KCNAB1: variants seen among roughly 807,000 people sequenced by gnomAD.
KCNAB1 encodes the protein potassium voltage-gated channel subfamily A regulatory beta subunit 1.
Under a neutral mutation model 64.6 loss-of-function variants are expected in KCNAB1, and 35 were observed. The ratio of observed to expected loss-of-function variants is 0.54; its 90% confidence interval spans 0.41 to 0.72. KCNAB1 has a LOEUF of 0.72. Ranked by LOEUF, KCNAB1 falls within the 30% of genes least tolerant of loss-of-function variation. The probability of loss-of-function intolerance (pLI) is 0.00; values close to 1 mark genes in which losing one functional copy is unlikely to be tolerated. For missense variants in KCNAB1, 401 were observed against 512.9 expected (o/e 0.78, Z 2.11); for synonymous variants, 177 against 183.8 (o/e 0.96, Z 0.30).
intron 1 of KCNAB1, among the ~76,000 whole-genome samples, chr3:156,262,254 A>G (rs912514158): frequency 2.6e-5 from 4 of 151,932 alleles, no homozygotes; most frequent in Non-Finnish European, 5.9e-5. Context: ...GAAGTGGCAA[A>G]GTGGCATTGT....
At chr3:156,229,026 C>T (rs1229012805) in intron 1 of KCNAB1, among the ~76,000 whole-genome samples, 1 of 152,188 alleles carries the variant, frequency 6.6e-6, no homozygotes, top group Non-Finnish European at 1.5e-5. Context: ...TCCCCTCTTC[C>T]TTGTGTGTAA....
intron 1 of KCNAB1, among the ~76,000 whole-genome samples, chr3:156,269,913 CTTTTTTTTTTT>C (rs34741042): frequency 8.7e-6 from 1 of 114,508 alleles, no homozygotes; most frequent in Non-Finnish European, 1.8e-5. Context: ...CCGGGGCTTG[CTTTTTTTTTTT>C]TTTTTTTTTG....
At chr3:156,251,514 C>T (rs748379148) in intron 1 of KCNAB1, among the ~76,000 whole-genome samples, 193 of 152,194 alleles carry the variant, frequency 1.3e-3, no homozygotes, top group Non-Finnish European at 5.4e-4. Flanking sequence ...AGCAGACACA[C>T]GGAAACATAT....
intron 1 of KCNAB1, among the ~76,000 whole-genome samples, chr3:156,419,711 T>A (rs2108223727): frequency 6.6e-6 from 1 of 152,210 alleles, no homozygotes; most frequent in South Asian, 2.1e-4. Context: ...AGCCACCACC[T>A]CATGTGATCT....
At chr3:156,391,862 A>C (rs946153319) in intron 1 of KCNAB1, among the ~76,000 whole-genome samples, 2 of 152,184 alleles carry the variant, frequency 1.3e-5, no homozygotes, top group African/African-American at 4.8e-5. Flanking sequence ...GGAGAAAAAG[A>C]GATCATCATT....
intron 1 of KCNAB1, among the ~76,000 whole-genome samples, chr3:156,124,904 C>T (rs1252567321): frequency 6.6e-6 from 1 of 151,992 alleles, no homozygotes; most frequent in Non-Finnish European, 1.5e-5. Flanking sequence ...CTTTGGGAGG[C>T]CGAGGCAGGT....
chr3:156,356,073 G>C (rs1725211298), intron 1 of KCNAB1, among the ~76,000 whole-genome samples: 1 of 146,394 alleles, frequency 6.8e-6, no homozygotes, highest in Non-Finnish European at 1.5e-5. Context: ...AGTGAGCCAT[G>C]ATCATGCCAC....
At chr3:156,312,731 A>AAAAAAAAAAAAAAAAAAAAAC (rs1722007557) in intron 1 of KCNAB1, among the ~76,000 whole-genome samples, 3 of 144,526 alleles carry the variant, frequency 2.1e-5, no homozygotes, top group African/African-American at 8.1e-5. Flanking sequence ...AAAAAAAAAA[A>AAAAAAAAAAAAAAAAAAAAAC]CTCATAATAA....
At chr3:156,396,008 C>T (rs528563024) in intron 1 of KCNAB1, among the ~76,000 whole-genome samples, 17 of 152,122 alleles carry the variant, frequency 1.1e-4, no homozygotes, top group Non-Finnish European at 1.9e-4. Context: ...GTGTAGAAGT[C>T]GAAACAATTT....
chr3:156,247,653 C>T (rs1212575357), intron 1 of KCNAB1, among the ~76,000 whole-genome samples: 1 of 152,108 alleles, frequency 6.6e-6, no homozygotes, highest in Non-Finnish European at 1.5e-5. Flanking sequence ...GCCTTGACCT[C>T]CTGGGTTCAG....
At chr3:156,208,598 T>C (rs1362791691) in intron 1 of KCNAB1, among the ~76,000 whole-genome samples, 1 of 151,986 alleles carries the variant, frequency 6.6e-6, no homozygotes, top group Non-Finnish European at 1.5e-5. Flanking sequence ...GTACTCTGAG[T>C]GTGTTATGAG....
chr3:156,495,830 C>T (rs772349340), intron 8 of KCNAB1, among the ~76,000 whole-genome samples: 8 of 152,052 alleles, frequency 5.3e-5, no homozygotes, highest in East Asian at 1.9e-4. Flanking sequence ...TTTAATACCC[C>T]GGAAGGTAAA....
chr3:156,487,496 G>A (rs954372661), intron 8 of KCNAB1, among the ~76,000 whole-genome samples: 20 of 152,280 alleles, frequency 1.3e-4, no homozygotes, highest in South Asian at 2.1e-4. Flanking sequence ...AAGGGAAAGC[G>A]TGTGTTGTGT....
At chr3:156,216,381 C>T (rs916635187) in intron 1 of KCNAB1, among the ~76,000 whole-genome samples, 4 of 152,162 alleles carry the variant, frequency 2.6e-5, no homozygotes, top group Non-Finnish European at 5.9e-5. Flanking sequence ...CATAGGCATG[C>T]CATGTTTCCA....
intron 1 of KCNAB1, among the ~76,000 whole-genome samples, chr3:156,170,814 A>AT (rs1304455417): frequency 2.0e-5 from 3 of 152,210 alleles, no homozygotes; most frequent in Non-Finnish European, 4.4e-5. Context: ...GGAGTTTGTC[A>AT]TGATATGTTG....
intron 1 of KCNAB1, among the ~76,000 whole-genome samples, chr3:156,328,014 C>T (rs907595340): frequency 2.0e-5 from 3 of 152,108 alleles, no homozygotes; most frequent in African/African-American, 7.2e-5. Context: ...ATGCTCCCTA[C>T]ACCTGCCCAC....
intron 1 of KCNAB1, among the ~76,000 whole-genome samples, chr3:156,387,202 T>C (rs899314030): frequency 2.4e-4 from 36 of 151,938 alleles, no homozygotes; most frequent in African/African-American, 8.0e-4. Flanking sequence ...GGGTGACTGC[T>C]GAAGCAGCCC....
chr3:156,354,120 G>GTATATATATATATATATATATGTGTA (rs1725061484), intron 1 of KCNAB1, among the ~76,000 whole-genome samples: 1 of 132,562 alleles, frequency 7.5e-6, no homozygotes, highest in African/African-American at 2.9e-5. Flanking sequence ...ATGTGTGTGT[G>GTATATATATATATATATATATGTGTA]TATATATATA....
chr3:156,165,233 C>G (rs1208357650), intron 1 of KCNAB1, among the ~76,000 whole-genome samples: 1 of 145,290 alleles, frequency 6.9e-6, no homozygotes, highest in African/African-American at 2.6e-5. Flanking sequence ...AGCCGAGATC[C>G]CGCCACTGCA....
Sources: allele counts gnomAD v4.1 joint callset (sites outside exome capture counted in the v4.1 genomes callset), GRCh38; gene constraint gnomAD v4.1.1; transcripts MANE v1.5; gene names NCBI Gene and HGNC (gene_info 2026-07-23, HGNC 2026-07-21).